PSMD9: variants seen among roughly 807,000 people sequenced by gnomAD.
PSMD9 encodes the protein 26S proteasome non-ATPase regulatory subunit 9.
Under a neutral mutation model 25.9 loss-of-function variants are expected in PSMD9, and 26 were observed. That is an observed-to-expected ratio of 1.00 (90% confidence interval 0.73 to 1.39). The LOEUF (loss-of-function observed/expected upper bound fraction) is 1.39. Ranked by LOEUF, PSMD9 falls within the 40% of genes most tolerant of loss-of-function variation. PSMD9 has a pLI of 0.00. For missense variants in PSMD9, 303 were observed against 299.3 expected, an observed-to-expected ratio of 1.01 and a Z score of -0.09; for synonymous variants, 110 against 114.5, an observed-to-expected ratio of 0.96 and a Z score of 0.25.
At position 121,899,801 on chromosome 12, in the gene PSMD9, G is replaced by A. The variant is rs376571677; in HGVS notation, c.409G>A (p.Ala137Thr). 11 of 1,613,942 alleles carry A rather than the reference G, an allele frequency of 6.8e-6. No homozygotes were observed. In the Admixed American group the frequency reaches 8.3e-5, roughly 12 times the overall value. ...GAGCCAGGGCCCTCCACGGGCCTTC[G>A]CCAAAGTGAACAGCATCAGCCCCGG... is the stretch of plus-strand genomic sequence containing the variant. Reference protein sequence around the residue: ...SESQGPPRAFAKVNSISPGSP... With the variant: ...SESQGPPRAFTKVNSISPGSP... Residue 137 changes from alanine (A) to threonine (T), a missense_variant, in exon 3 of 6, where the codon GCC (alanine) becomes ACC (threonine). By Grantham distance (58) the Ala-to-Thr change is moderately conservative (BLOSUM62 0). Coordinates refer to ENST00000541212, the MANE Select transcript of PSMD9 (RefSeq NM_002813.7).
Position 121,888,796 on chromosome 12 carries a change from G to A in PSMD9, c.-61G>A. Reference sequence around the variant, plus strand: ...CATGGGCGGAGCCGTAGTTACGGTCGACTGGGGCGTCGTCCCTAGCCCGGG... The same window carrying A: ...CATGGGCGGAGCCGTAGTTACGGTCAACTGGGGCGTCGTCCCTAGCCCGGG... On this transcript the variant is annotated 5_prime_UTR_variant, in exon 1 of 6. Coordinates refer to ENST00000541212, the MANE Select transcript of PSMD9 (RefSeq NM_002813.7). The A allele has an allele frequency of 1.3e-6, 2 of 1,553,484 alleles. No individual in the cohort carries two copies. Among genetic ancestry groups the A allele is most frequent in the South Asian group, 1.2e-5 (1 of 84,324 alleles).
At chr12:121,895,909 C>T (rs1311479014) in intron 2 of PSMD9, among the ~76,000 whole-genome samples, 5 of 152,212 alleles carry the variant, frequency 3.3e-5, no homozygotes, top group Admixed American at 2.6e-4. Context: ...CAACCGTCTC[C>T]ACCACAGAGT....
intron 4 of PSMD9, 101 bp downstream of exon 4, chr12:121,903,208 C>A: frequency 9.2e-7 from 1 of 1,092,728 alleles, no homozygotes; most frequent in Non-Finnish European, 1.4e-6. Context: ...TTTCACAGCT[C>A]TGGAGGCAGG....
intron 4 of PSMD9, among the ~76,000 whole-genome samples, chr12:121,907,284 G>T (rs1301291827): frequency 6.6e-6 from 1 of 152,036 alleles, no homozygotes; most frequent in African/African-American, 2.4e-5. Flanking sequence ...TGGCCAGGCG[G>T]GTCTTGAACT....
intron 3 of PSMD9, among the ~76,000 whole-genome samples, chr12:121,900,327 A>G (rs482421): frequency 0.29 from 44,480 of 152,042 alleles, 6,868 homozygotes; most frequent in East Asian, 0.51. Flanking sequence ...AGGAAGTCGA[A>G]GTTGCAGTGA....
rs767145124 is a variant in PSMD9, at chr12:121,888,830, C to T, written c.-27C>T. ...GTCGTCCCTAGCCCGGGAGCCGGGT[C>T]TCTGGAGTCGCGGCCCGGGGTTCAC... On this transcript the variant is annotated 5_prime_UTR_variant, in exon 1 of 6. Coordinates refer to ENST00000541212, the MANE Select transcript of PSMD9 (RefSeq NM_002813.7). 14 of 1,593,446 alleles carry T rather than the reference C, an allele frequency of 8.8e-6. No individual in the cohort carries two copies. In the African/African-American group the frequency reaches 1.3e-4, roughly 15 times the overall value.
Position 121,889,038 on chromosome 12 carries a change from G to A in PSMD9, c.138+44G>A, listed in dbSNP as rs959051543. 5.2e-6 allele frequency: 8 copies of A among 1,552,532 alleles called. No individual in the cohort carries two copies. In the African/African-American group the frequency reaches 5.4e-5, roughly 10 times the overall value. The stretch of plus-strand genomic sequence containing the variant: ...CGCCCCAAGTCGCCTAACCCGGCCC[G>A]GAGTCCCTGGGGTACTGGGATGCCA... On this transcript the variant is annotated intron_variant, in intron 1 of 5. Coordinates refer to ENST00000541212, the MANE Select transcript of PSMD9 (RefSeq NM_002813.7).
chr12:121,888,916 C>T lies in PSMD9; in HGVS notation c.60C>T (p.Val20=), dbSNP rs1285720598. 1 of 1,595,720 alleles carries T rather than the reference C, an allele frequency of 6.3e-7. No individual in the cohort carries two copies. Among genetic ancestry groups the T allele is most frequent in the African/African-American group, 1.3e-5 (1 of 74,884 alleles). The change falls in exon 1 of 6, where the codon GTC becomes GTT. Residue 20 remains valine (V), a synonymous_variant. Transcript: ENST00000541212. ...GGSSQAGVVT[V]SDVQELMRRK... ...CCTCGCAGGCCGGCGTCGTGACTGT[C>T]AGCGACGTCCAGGAGCTGATGCGGC...
chr12:121,907,283 G>A (rs982221792), intron 4 of PSMD9, among the ~76,000 whole-genome samples: 6 of 152,006 alleles, frequency 3.9e-5, no homozygotes, highest in Admixed American at 3.9e-4. Flanking sequence ...TTGGCCAGGC[G>A]GGTCTTGAAC....
intron 4 of PSMD9, among the ~76,000 whole-genome samples, chr12:121,908,574 C>A (rs901628077): frequency 1.3e-5 from 2 of 152,104 alleles, no homozygotes; most frequent in African/African-American, 4.8e-5. Context: ...GGGGCTGTAA[C>A]GGGGAACGAA....
chr12:121,916,240 G>A, intron 5 of PSMD9, 44 bp from the exon 6 acceptor site: 1 of 1,612,272 alleles, frequency 6.2e-7, no homozygotes, highest in Non-Finnish European at 8.5e-7. Flanking sequence ...CCTTCCTGAA[G>A]GGAGCCTCCA....
chr12:121,899,647 T>G lies in PSMD9; in HGVS notation c.255T>G (p.Asp85Glu). The G allele has an allele frequency of 6.2e-7, 1 of 1,608,602 alleles. No homozygotes were observed. ...TTCTCATCCCAGGCCTGCAGAATGA[T>G]CACAAGGCAGTGATGAAGCAGGTGG... is the stretch of plus-strand genomic sequence containing the variant. ...ARHNIICLQNDHKAVMKQVEE... is the reference protein window; with the variant it reads ...ARHNIICLQNEHKAVMKQVEE... The change falls in exon 3 of 6, where the codon GAT (aspartate) becomes GAG (glutamate). Residue 85 changes from aspartate to glutamate, a missense_variant. Coordinates refer to ENST00000541212, the MANE Select transcript of PSMD9 (RefSeq NM_002813.7).
chr12:121,908,182 T>A (rs1448076559), intron 4 of PSMD9: 1 of 151,848 alleles, frequency 6.6e-6, no homozygotes, highest in East Asian at 1.9e-4. Flanking sequence ...AAAATAAATT[T>A]TTTTTTTTTT....
chr12:121,896,391 A>T (rs1302809541), intron 2 of PSMD9, among the ~76,000 whole-genome samples: 1 of 152,004 alleles, frequency 6.6e-6, no homozygotes, highest in African/African-American at 2.4e-5. Flanking sequence ...AATCACTTGA[A>T]CCCAGGAGGC....
chr12:121,888,828 G>T lies in PSMD9; in HGVS notation c.-29G>T, dbSNP rs1298309902. ...GCGTCGTCCCTAGCCCGGGAGCCGG[G>T]TCTCTGGAGTCGCGGCCCGGGGTTC... On this transcript the variant is annotated 5_prime_UTR_variant, in exon 1 of 6. Coordinates refer to ENST00000541212, the MANE Select transcript of PSMD9 (RefSeq NM_002813.7). 5.0e-6 allele frequency: 8 copies of T among 1,592,378 alleles called. No homozygotes were observed. Among genetic ancestry groups the T allele is most frequent in the Non-Finnish European group, 6.8e-6 (8 of 1,170,726 alleles).
At chr12:121,907,130 C>T (rs1411035684) in intron 4 of PSMD9, among the ~76,000 whole-genome samples, 1 of 151,956 alleles carries the variant, frequency 6.6e-6, no homozygotes, top group Non-Finnish European at 1.5e-5. Flanking sequence ...AGTGCAATGG[C>T]ATGATCTCAG....
chr12:121,895,594 TC>T (rs541356942), intron 2 of PSMD9, among the ~76,000 whole-genome samples: 54 of 152,156 alleles, frequency 3.5e-4, no homozygotes, highest in African/African-American at 1.3e-3. Flanking sequence ...TTTTCTGGTT[TC>T]CAAAGGCTGC....
intron 3 of PSMD9, 152 bp from the exon 4 acceptor site, chr12:121,902,854 G>A (rs770169740): frequency 9.8e-6 from 6 of 613,514 alleles, no homozygotes; most frequent in Non-Finnish European, 1.5e-5. Flanking sequence ...CTTCCTGCAT[G>A]AGGTGTCTAC....
Position 121,903,013 on chromosome 12 carries a change from A to G in PSMD9, c.461A>G (p.Gln154Arg). Residue 154 changes from glutamine (Q) to arginine (R), a missense_variant, in exon 4 of 6, where the codon CAA (glutamine) becomes CGA (arginine). Gln to Arg is a conservative substitution (Grantham distance 43, BLOSUM62 1). Coordinates refer to ENST00000541212, the MANE Select transcript of PSMD9 (RefSeq NM_002813.7). ...TTTTCCTTCCCTCTCCAGGGTCTGC[A>G]AGTGGATGATGAGATTGTGGAGTTC... ...PGSPASIAGLQVDDEIVEFGS... is the reference protein window; with the variant it reads ...PGSPASIAGLRVDDEIVEFGS... 6.2e-7 allele frequency: 1 copy of G among 1,613,956 alleles called. No homozygotes were observed. The highest frequency in any genetic ancestry group is 1.1e-5 in the South Asian group (1 of 91,072).
Sources: gnomAD v4.1 joint callset for allele counts (sites outside exome capture counted in the v4.1 genomes callset) on GRCh38, gnomAD v4.1.1 for gene constraint, MANE v1.5 for transcripts, NCBI Gene and HGNC (gene_info 2026-07-23, HGNC 2026-07-21) for gene names.